Variants in SCHIP1 observed in about 807,000 individuals in gnomAD.
The protein encoded by SCHIP1 is schwannomin-interacting protein 1.
In SCHIP1, 8 loss-of-function variants were observed where a neutral mutation model predicts 29.7. The ratio of observed to expected loss-of-function variants is 0.27; its 90% confidence interval spans 0.16 to 0.49. The LOEUF (loss-of-function observed/expected upper bound fraction) is 0.49, where lower values mean the gene tolerates loss of function less well. Ranked by LOEUF, SCHIP1 falls within the 20% of genes least tolerant of loss-of-function variation. The pLI is 0.99. For missense variants in SCHIP1, 193 were observed against 294.6 expected (o/e 0.66, Z 2.52); for synonymous variants, 76 against 94.9 (o/e 0.80, Z 1.16).
At chr3:159,553,275 A>G in the SCHIP1 span, among the ~76,000 whole-genome samples, 1 of 151,558 alleles carries the variant, frequency 6.6e-6, no homozygotes, top group Non-Finnish European at 1.5e-5. Context: ...TAAAAAAAAA[A>G]AAGACATGGA....
chr3:159,325,366 G>A, the SCHIP1 span, among the ~76,000 whole-genome samples: 14 of 152,062 alleles, frequency 9.2e-5, no homozygotes, highest in Admixed American at 3.9e-4. Flanking sequence ...TAAATCATTC[G>A]TCTGTAAGTT....
chr3:159,815,528 A>G, the SCHIP1 span, among the ~76,000 whole-genome samples: 3 of 152,210 alleles, frequency 2.0e-5, no homozygotes, highest in African/African-American at 7.2e-5. Flanking sequence ...CTGTGGGAAT[A>G]AGAGTGCTAT....
chr3:159,313,818 A>G, the SCHIP1 span, among the ~76,000 whole-genome samples: 1 of 151,984 alleles, frequency 6.6e-6, no homozygotes, highest in African/African-American at 2.4e-5. Flanking sequence ...GGTCCTCATT[A>G]TTGCCTTGTT....
At chr3:159,411,867 T>C in the SCHIP1 span, among the ~76,000 whole-genome samples, 1 of 152,172 alleles carries the variant, frequency 6.6e-6, no homozygotes, top group African/African-American at 2.4e-5. Context: ...AAGACCAATA[T>C]TGTGATATAT....
chr3:159,638,012 C>G, the SCHIP1 span, among the ~76,000 whole-genome samples: 1 of 152,234 alleles, frequency 6.6e-6, no homozygotes, highest in East Asian at 1.9e-4. Flanking sequence ...ACAGTTTTCC[C>G]TATATAAATG....
intron 4 of SCHIP1, 179 bp downstream of exon 5, chr3:159,888,084 A>G: frequency 1.2e-6 from 1 of 847,912 alleles, no homozygotes; most frequent in Non-Finnish European, 1.8e-6. Context: ...GGACTGAAAA[A>G]TACAGAAGCA....
At chr3:159,393,889 G>A in the SCHIP1 span, among the ~76,000 whole-genome samples, 215 of 152,180 alleles carry the variant, frequency 1.4e-3, 3 homozygotes, top group East Asian at 0.034. Context: ...CATTGAATCT[G>A]TAAATTACCT....
chr3:159,886,428 A>G, intron 3 of SCHIP1, 104 bp downstream of exon 4: 1 of 1,038,292 alleles, frequency 9.6e-7, no homozygotes, highest in East Asian at 2.5e-5. Context: ...TCAGAGATTA[A>G]AGAAGAAAAG....
the SCHIP1 span, among the ~76,000 whole-genome samples, chr3:159,709,597 A>G: frequency 6.6e-6 from 1 of 152,210 alleles, no homozygotes; most frequent in African/African-American, 2.4e-5. Context: ...CTTAGCAATA[A>G]TCACTGAACG....
At chr3:159,830,661 G>C in the SCHIP1 span, among the ~76,000 whole-genome samples, 1 of 152,112 alleles carries the variant, frequency 6.6e-6, no homozygotes, top group African/African-American at 2.4e-5. Context: ...TGGAAGTGGA[G>C]AAGTATCCTG....
chr3:159,286,499 G>A, the SCHIP1 span, among the ~76,000 whole-genome samples: 1 of 152,156 alleles, frequency 6.6e-6, no homozygotes, highest in Non-Finnish European at 1.5e-5. Flanking sequence ...TTGACTCTGT[G>A]TTTTTGCTGT....
At chr3:159,809,717 A>G in the SCHIP1 span, among the ~76,000 whole-genome samples, 1 of 151,850 alleles carries the variant, frequency 6.6e-6, no homozygotes, top group Non-Finnish European at 1.5e-5. Flanking sequence ...CATATGATTT[A>G]TAGCCAGGTG....
At chr3:159,393,153 T>C in the SCHIP1 span, among the ~76,000 whole-genome samples, 55,216 of 151,990 alleles carry the variant, frequency 0.36, 11,411 homozygotes, top group East Asian at 0.49. Flanking sequence ...CACTTTTTGA[T>C]GGGGTTGTTT....
intron 3 of SCHIP1, chr3:159,887,505 C>T (rs988663894): frequency 1.3e-5 from 8 of 594,296 alleles, no homozygotes; most frequent in African/African-American, 1.1e-4. Context: ...AACTATACTG[C>T]TCTCTCTGTT....
the SCHIP1 span, among the ~76,000 whole-genome samples, chr3:159,553,307 T>C: frequency 0.051 from 7,649 of 151,428 alleles, 463 homozygotes; most frequent in East Asian, 0.17. Flanking sequence ...ACTGACCCAT[T>C]TGTTTTATGA....
At chr3:159,738,711 G>T in the SCHIP1 span, among the ~76,000 whole-genome samples, 1 of 151,826 alleles carries the variant, frequency 6.6e-6, no homozygotes, top group African/African-American at 2.4e-5. Flanking sequence ...TTCCAGAGAG[G>T]AGAGAGAGAG....
At chr3:159,591,481 C>T in the SCHIP1 span, among the ~76,000 whole-genome samples, 2 of 152,152 alleles carry the variant, frequency 1.3e-5, no homozygotes, top group Admixed American at 6.5e-5. Context: ...ATGCTTATTG[C>T]AGCACTATTT....
the SCHIP1 span, among the ~76,000 whole-genome samples, chr3:159,276,578 C>T: frequency 6.6e-6 from 1 of 152,166 alleles, no homozygotes; most frequent in Admixed American, 6.5e-5. Context: ...AGGTACATTC[C>T]TACTTTGTAT....
chr3:159,823,284 G>A, the SCHIP1 span, among the ~76,000 whole-genome samples: 2 of 152,222 alleles, frequency 1.3e-5, no homozygotes, highest in Non-Finnish European at 2.9e-5. Context: ...TGGACTGACA[G>A]CAATGGGCGG....
Sources: allele counts gnomAD v4.1 joint callset (sites outside exome capture counted in the v4.1 genomes callset), GRCh38; gene constraint gnomAD v4.1.1; transcripts MANE v1.5; gene names NCBI Gene and HGNC (gene_info 2026-07-23, HGNC 2026-07-21).